The following DLG2 variants were observed in gnomAD, a reference collection of about 807,000 sequenced individuals.
DLG2 encodes the protein discs large MAGUK scaffold protein 2.
Under a neutral mutation model 132.5 loss-of-function variants are expected in DLG2, and 45 were observed. That is an observed-to-expected ratio of 0.34 (90% CI 0.27 to 0.44). The LOEUF (loss-of-function observed/expected upper bound fraction) is 0.44, where lower values mean the gene tolerates loss of function less well. Among genes scored for constraint, DLG2 ranks in the 20% least tolerant of loss-of-function variants. The pLI is 1.00. For missense variants in DLG2, 1,045 were observed against 1,196.9 expected, an observed-to-expected ratio of 0.87 and a Z score of 1.87; for synonymous variants, 424 against 419.6, an observed-to-expected ratio of 1.01 and a Z score of -0.13.
At chr11:84,135,954 T>C (rs1433017245) in intron 9 of DLG2, among the ~76,000 whole-genome samples, 1 of 152,076 alleles carries the variant, frequency 6.6e-6, no homozygotes, top group Admixed American at 6.6e-5. Flanking sequence ...GGTAGTTGTG[T>C]CTGGGAAAAT....
At position 83,651,241 on chromosome 11, in the gene DLG2, C is replaced by G. The variant is rs544303977; in HGVS notation, c.1826-17916G>C. 2.6e-5 allele frequency among the ~76,000 whole-genome samples: 4 copies of G among 152,130 alleles called. No individual in the cohort carries two copies. The East Asian group carries it at 5.8e-4, about 22-fold the overall frequency. On this transcript the variant is annotated intron_variant, in intron 18 of 27. Transcript: ENST00000376104. ...CTGAGTTTAGGTTAAAAAAAAATCT[C>G]AGATGGAATGTCAGAGAGTAAGTAC...
chr11:83,861,984 C>A (rs950923449), intron 16 of DLG2, among the ~76,000 whole-genome samples: 3 of 151,932 alleles, frequency 2.0e-5, no homozygotes, highest in Admixed American at 2.0e-4. Flanking sequence ...TCTCATGTAC[C>A]CCATAAATAT....
At chr11:84,863,701 T>C (rs966288664) in intron 6 of DLG2, among the ~76,000 whole-genome samples, 1 of 151,996 alleles carries the variant, frequency 6.6e-6, no homozygotes, top group Non-Finnish European at 1.5e-5. Flanking sequence ...AGAGATAAAA[T>C]GGAAAGATAA....
chr11:84,033,934 AG>A (rs1177040699), intron 11 of DLG2, among the ~76,000 whole-genome samples: 3 of 152,068 alleles, frequency 2.0e-5, no homozygotes, highest in African/African-American at 7.2e-5. Flanking sequence ...AAAAACAGTT[AG>A]CCGGGCATGT....
intron 4 of DLG2, among the ~76,000 whole-genome samples, chr11:85,166,139 T>C (rs907583938): frequency 1.3e-5 from 2 of 152,118 alleles, no homozygotes; most frequent in African/African-American, 2.4e-5. Context: ...TTGAAAGTTA[T>C]ACCTATATTC....
intron 6 of DLG2, among the ~76,000 whole-genome samples, chr11:84,946,135 G>A (rs1165904627): frequency 6.6e-6 from 1 of 152,140 alleles, no homozygotes; most frequent in Non-Finnish European, 1.5e-5. Context: ...CCCAGGATGG[G>A]ACCAAACATT....
chr11:84,123,410 G>A (rs763532265), intron 9 of DLG2, among the ~76,000 whole-genome samples: 2 of 152,132 alleles, frequency 1.3e-5, no homozygotes, highest in Non-Finnish European at 2.9e-5. Context: ...GCTGTGCTTG[G>A]AGTCATAAGA....
chr11:84,254,973 G>A (rs1388118812), intron 7 of DLG2, among the ~76,000 whole-genome samples: 1 of 152,170 alleles, frequency 6.6e-6, no homozygotes, highest in Non-Finnish European at 1.5e-5. Flanking sequence ...AGATGCCACG[G>A]TAGGCTCTTC....
intron 7 of DLG2, among the ~76,000 whole-genome samples, chr11:84,520,607 A>C (rs1227528889): frequency 6.6e-6 from 1 of 151,828 alleles, no homozygotes; most frequent in East Asian, 1.9e-4. Context: ...CCCAACCCTC[A>C]CTGCCCAGCT....
intron 6 of DLG2, among the ~76,000 whole-genome samples, chr11:84,880,926 T>C (rs1264535143): frequency 1.3e-5 from 2 of 152,178 alleles, no homozygotes; most frequent in Non-Finnish European, 2.9e-5. Flanking sequence ...GCACCTATTA[T>C]GCAAGGCATG....
At chr11:84,721,659 G>C (rs1565776901) in intron 6 of DLG2, among the ~76,000 whole-genome samples, 1 of 152,136 alleles carries the variant, frequency 6.6e-6, no homozygotes, top group Non-Finnish European at 1.5e-5. Context: ...GGTAAAACTA[G>C]CACTCTTTGG....
At chr11:84,559,067 C>G (rs1014244387) in intron 6 of DLG2, among the ~76,000 whole-genome samples, 3 of 152,110 alleles carry the variant, frequency 2.0e-5, no homozygotes, top group Admixed American at 6.6e-5. Flanking sequence ...CATTCCACGC[C>G]TGGCAGCTCA....
At chr11:83,581,702 T>C (rs757520198) in intron 19 of DLG2, among the ~76,000 whole-genome samples, 1 of 152,120 alleles carries the variant, frequency 6.6e-6, no homozygotes, top group East Asian at 1.9e-4. Context: ...CGATATAACA[T>C]TGAATCTGGA....
rs1402765309 is a variant in DLG2 at position 84,677,832 on chromosome 11, T to C, written c.358-143101A>G. On this transcript the variant is annotated intron_variant, in intron 6 of 27. Transcript: ENST00000376104. ...TTAGTGCAGGAGTTTTCCATTGCAG[T>C]GAACTATGACAGCCCTACTGCACTC... 2.0e-5 allele frequency among the ~76,000 whole-genome samples: 3 copies of C among 152,034 alleles called. No homozygotes were observed. In the East Asian group the frequency reaches 5.8e-4, roughly 29 times the overall value.
At chr11:84,316,079 A>G (rs2154394738) in intron 7 of DLG2, among the ~76,000 whole-genome samples, 1 of 152,270 alleles carries the variant, frequency 6.6e-6, no homozygotes, top group African/African-American at 2.4e-5. Flanking sequence ...AAATGAGCCA[A>G]TTTTATTTCT....
chr11:84,584,727 C>T (rs1473252157), intron 6 of DLG2, among the ~76,000 whole-genome samples: 2 of 118,868 alleles, frequency 1.7e-5, no homozygotes, highest in East Asian at 2.7e-4. Context: ...CTCGCTCTGT[C>T]GCCCAGGCTG....
intron 6 of DLG2, among the ~76,000 whole-genome samples, chr11:84,653,573 T>G (rs2099684652): frequency 6.6e-6 from 1 of 152,160 alleles, no homozygotes; most frequent in African/African-American, 2.4e-5. Flanking sequence ...CATGGTCACC[T>G]TGAACTGCCC....
At chr11:84,338,547 G>A (rs1478865999) in intron 7 of DLG2, among the ~76,000 whole-genome samples, 2 of 152,002 alleles carry the variant, frequency 1.3e-5, no homozygotes, top group Non-Finnish European at 2.9e-5. Context: ...ATATTAGTCC[G>A]GGCACGGTGG....
intron 6 of DLG2, among the ~76,000 whole-genome samples, chr11:84,784,346 A>T (rs576452961): frequency 0.018 from 2,572 of 145,522 alleles, 34 homozygotes; most frequent in African/African-American, 0.019. Context: ...ATAAATAAAT[A>T]AATAAATAAA....
Sources: gnomAD v4.1 joint callset for allele counts (sites outside exome capture counted in the v4.1 genomes callset) on GRCh38, gnomAD v4.1.1 for gene constraint, MANE v1.5 for transcripts, NCBI Gene and HGNC (gene_info 2026-07-23, HGNC 2026-07-21) for gene names.